Variants in ANKRD12 observed in about 807,000 individuals in gnomAD.
ANKRD12 encodes ankyrin repeat domain 12, also known as ankyrin repeat domain-containing protein 12.
A neutral mutation model predicts 183.4 loss-of-function variants in ANKRD12; 85 were observed. That is an observed-to-expected ratio of 0.46 (90% CI 0.39 to 0.56). ANKRD12 has a LOEUF of 0.56. ANKRD12 is among the 20% of genes least tolerant of loss of function. ANKRD12 has a pLI of 0.00. For missense variants in ANKRD12, 2,405 were observed against 2,357.1 expected, an observed-to-expected ratio of 1.02 and a Z score of -0.42; for synonymous variants, 914 against 800.2, an observed-to-expected ratio of 1.14 and a Z score of -2.40.
In ANKRD12 at chr18:9,243,356, C is replaced by G. The variant is rs1248036368; in HGVS notation, c.944-10855C>G. 2.0e-5 allele frequency among the ~76,000 whole-genome samples: 3 copies of G among 152,186 alleles called. No homozygotes were observed. The East Asian group carries it at 5.8e-4, about 29-fold the overall frequency. The stretch of plus-strand genomic sequence containing the variant: ...CTGAGATCACTACTAACAAGCCTCT[C>G]ACTCAGAGGAGACTCTCCACAAAAC... On this transcript the variant is annotated intron_variant, in intron 8 of 12. Transcript: ENST00000262126.
chr18:9,171,125 C>T (rs2032677390), intron 1 of ANKRD12, among the ~76,000 whole-genome samples: 2 of 152,170 alleles, frequency 1.3e-5, no homozygotes, highest in Admixed American at 1.3e-4. Flanking sequence ...ACTGGGGGTG[C>T]CTCCCAGTTA....
intron 3 of ANKRD12, among the ~76,000 whole-genome samples, chr18:9,201,915 C>A (rs2035195766): frequency 6.6e-6 from 1 of 151,726 alleles, no homozygotes; most frequent in Non-Finnish European, 1.5e-5. Context: ...GCAACCTCTG[C>A]CTCCTGGGTT....
intron 8 of ANKRD12, among the ~76,000 whole-genome samples, chr18:9,225,993 A>G (rs1345899888): frequency 6.6e-6 from 1 of 152,246 alleles, no homozygotes; most frequent in Non-Finnish European, 1.5e-5. Context: ...CTAAGTACTT[A>G]AGCATGCATT....
At chr18:9,155,344 C>A (rs531647935) in intron 1 of ANKRD12, among the ~76,000 whole-genome samples, 1 of 152,234 alleles carries the variant, frequency 6.6e-6, no homozygotes, top group South Asian at 2.1e-4. Flanking sequence ...GATAAAAATG[C>A]GCCATAATTT....
chr18:9,168,941 A>T, intron 1 of ANKRD12, among the ~76,000 whole-genome samples: 1 of 152,156 alleles, frequency 6.6e-6, no homozygotes, highest in Non-Finnish European at 1.5e-5. Flanking sequence ...GTTGGTTTCA[A>T]AGAACATCGT....
At chr18:9,147,420 G>C (rs1014496777) in intron 1 of ANKRD12, among the ~76,000 whole-genome samples, 7 of 151,684 alleles carry the variant, frequency 4.6e-5, no homozygotes, top group Admixed American at 4.6e-4. Context: ...TATCTTTTGT[G>C]GGGGGCTGCA....
intron 1 of ANKRD12, among the ~76,000 whole-genome samples, chr18:9,176,891 A>T (rs1296454296): frequency 1.3e-5 from 2 of 152,218 alleles, no homozygotes; most frequent in Admixed American, 1.3e-4. Context: ...GATATATTTT[A>T]CTGCTGTAAA....
chr18:9,137,223 G>GCCCGCCGCCGCCCCT (rs1470419607), intron 1 of ANKRD12: 4 of 149,072 alleles, frequency 2.7e-5, no homozygotes, highest in Non-Finnish European at 4.5e-5. Context: ...CCGGGGCCCC[G>GCCCGCCGCCGCCCCT]CCCGCCGCCG....
chr18:9,285,152 T>A lies in ANKRD12; in HGVS notation c.*4026T>A, dbSNP rs2040194371. On this transcript the variant is annotated 3_prime_UTR_variant, in exon 13 of 13. Transcript: ENST00000262126. ...TGAGCCTGGGAGGCGGAGCTTGCAG[T>A]GAGCCGAGATCGTGCCACTGCACTC... The A allele has an allele frequency of 6.8e-6, 1 of 147,688 alleles. No individual in the cohort carries two copies. Among genetic ancestry groups the A allele is most frequent in the Non-Finnish European group, 1.5e-5 (1 of 67,544 alleles). The allele number at this position is 147,688 out of a possible 1,614,324, so 9.1% of individuals were successfully genotyped here. A position where few individuals can be genotyped will look rare whatever the true frequency, so the allele number is the denominator to read the frequency against.
rs1396016626 is a variant in ANKRD12 at position 9,276,726 on chromosome 18, A to G, written c.5907+1059A>G. Among the ~76,000 whole-genome samples, 5 of 151,166 alleles carry G rather than the reference A, an allele frequency of 3.3e-5. No individual in the cohort carries two copies. The East Asian group carries it at 1.0e-3, about 32-fold the overall frequency. ...GGACCCTGTCTCAAAAAAAAACAAA[A>G]AAAAAACTTTAAGTCTCCAACTTTT... On this transcript the variant is annotated intron_variant, in intron 11 of 12. Transcript: ENST00000262126.
intron 12 of ANKRD12, among the ~76,000 whole-genome samples, chr18:9,280,387 C>T (rs562019654): frequency 2.0e-5 from 3 of 152,142 alleles, no homozygotes; most frequent in Non-Finnish European, 4.4e-5. Flanking sequence ...GGCCATGGAT[C>T]GGTACCAGTC....
chr18:9,263,773 T>C lies in ANKRD12; in HGVS notation c.5665-17T>C. The C allele has an allele frequency of 1.3e-6, 2 of 1,517,032 alleles. No homozygotes were observed. The highest frequency in any genetic ancestry group is 1.8e-6 in the Non-Finnish European group (2 of 1,121,680). 94.0% of individuals were successfully genotyped at this position (1,517,032 alleles called of 1,614,324 possible). On this transcript the variant is annotated splice_polypyrimidine_tract_variant and intron_variant, in intron 9 of 12. Transcript: ENST00000262126. ...ATAAAACCTAATATTTTAAACTATA[T>C]ATATCTTTTTAATTAGATTACACCA...
chr18:9,139,217 T>A (rs1209430508), intron 1 of ANKRD12, among the ~76,000 whole-genome samples: 2 of 152,100 alleles, frequency 1.3e-5, no homozygotes, highest in Non-Finnish European at 2.9e-5. Context: ...AGACTTACAC[T>A]GGTTTGTTAA....
chr18:9,233,867 G>A (rs2037193502), intron 8 of ANKRD12, among the ~76,000 whole-genome samples: 1 of 152,202 alleles, frequency 6.6e-6, no homozygotes, highest in Non-Finnish European at 1.5e-5. Context: ...ACTGGTGTCA[G>A]CAGGACCAGG....
intron 4 of ANKRD12, among the ~76,000 whole-genome samples, chr18:9,207,242 A>G (rs1293887208): frequency 6.6e-6 from 1 of 152,154 alleles, no homozygotes; most frequent in Non-Finnish European, 1.5e-5. Flanking sequence ...TAGGAAAAGT[A>G]CTGTGCTAAG....
chr18:9,280,779 ACT>A (rs1262752575), intron 12 of ANKRD12, among the ~76,000 whole-genome samples, 160 bp from the exon 13 acceptor site: 2 of 151,366 alleles, frequency 1.3e-5, no homozygotes, highest in African/African-American at 2.4e-5. Context: ...ACAGAGCAAG[ACT>A]CTGTCTCAAA....
chr18:9,267,821 A>G (rs1000458399), intron 10 of ANKRD12, among the ~76,000 whole-genome samples: 10 of 152,162 alleles, frequency 6.6e-5, no homozygotes, highest in African/African-American at 9.7e-5. Context: ...CAAAAAATCA[A>G]TGAATCCAGG....
chr18:9,185,641 A>G (rs952234202), intron 2 of ANKRD12, among the ~76,000 whole-genome samples: 2 of 152,222 alleles, frequency 1.3e-5, no homozygotes, highest in African/African-American at 4.8e-5. Context: ...TGTAGAAAGT[A>G]TGGAGAAGAG....
intron 12 of ANKRD12, among the ~76,000 whole-genome samples, chr18:9,280,131 G>A (rs911965369): frequency 3.3e-5 from 5 of 152,138 alleles, no homozygotes; most frequent in African/African-American, 1.2e-4. Flanking sequence ...CCAGTTTCGT[G>A]GAAGACAATT....
Sources: allele counts gnomAD v4.1 joint callset (sites outside exome capture counted in the v4.1 genomes callset), GRCh38; gene constraint gnomAD v4.1.1; transcripts MANE v1.5; gene names NCBI Gene and HGNC (gene_info 2026-07-23, HGNC 2026-07-21).